CCDC88C: variants seen among roughly 807,000 people sequenced by gnomAD.
The protein encoded by CCDC88C is coiled-coil and HOOK domain protein 88C.
CCDC88C carries 131 observed loss-of-function variants against 198.8 expected under a neutral mutation model. That is an observed-to-expected ratio of 0.66 (90% CI 0.57 to 0.76). The LOEUF (loss-of-function observed/expected upper bound fraction) is 0.76, where lower values mean the gene tolerates loss of function less well. CCDC88C is among the 30% of genes least tolerant of loss of function. CCDC88C has a pLI of 0.00. For missense variants in CCDC88C, 2,553 were observed against 2,631.6 expected, an observed-to-expected ratio of 0.97 and a Z score of 0.65; for synonymous variants, 1,166 against 1,114.7, an observed-to-expected ratio of 1.05 and a Z score of -0.92.
intron 3 of CCDC88C, among the ~76,000 whole-genome samples, chr14:91,405,853 A>T (rs1886457229): frequency 6.6e-6 from 1 of 152,258 alleles, no homozygotes. Flanking sequence ...GCGTCCTGTC[A>T]GCTTCCTTCA....
At chr14:91,388,526 G>A (rs929146879) in intron 3 of CCDC88C, among the ~76,000 whole-genome samples, 8 of 152,220 alleles carry the variant, frequency 5.3e-5, no homozygotes, top group Non-Finnish European at 1.0e-4. Flanking sequence ...CTTTTCCTGA[G>A]TGACCTGAGC....
chr14:91,299,518 C>T (rs561546197), intron 21 of CCDC88C, among the ~76,000 whole-genome samples: 33 of 152,200 alleles, frequency 2.2e-4, no homozygotes, highest in Admixed American at 2.6e-4. Flanking sequence ...GAAAGCCCCA[C>T]GGAGACTGGT....
intron 13 of CCDC88C, 175 bp from the exon 14 acceptor site, chr14:91,315,962 CAG>C (rs1208718504): frequency 3.2e-6 from 2 of 620,568 alleles, no homozygotes; most frequent in Admixed American, 3.0e-5. Context: ...ACTCTTAAGA[CAG>C]AAAGTCACCA....
At chr14:91,277,095 G>A (rs955634763) in intron 29 of CCDC88C, among the ~76,000 whole-genome samples, 3 of 152,084 alleles carry the variant, frequency 2.0e-5, no homozygotes, top group Non-Finnish European at 4.4e-5. Flanking sequence ...TCAGCCTCCC[G>A]AGTAGTTGGG....
Position 91,339,353 on chromosome 14 carries a change from G to A in CCDC88C, c.734C>T (p.Ser245Phe), listed in dbSNP as rs766581882. The change falls in exon 8 of 30, where the codon TCT becomes TTT. Residue 245 changes from serine to phenylalanine, a missense_variant. Coordinates refer to ENST00000389857, the MANE Select transcript of CCDC88C (RefSeq NM_001080414.4). The surrounding 1 kb of genome is among the most constrained non-coding windows in gnomAD (Gnocchi z 5.8). ...GGCCAGGTGCTGCTTGTCTTCGCTA[G>A]AGAGGCTGCTGGTGGGGCTGGGAGT... The part of the protein sequence containing the change: ...DSTPSPTSSL[S>F]SEDKQHLAVE... 1 of 1,613,804 alleles carries A rather than the reference G, an allele frequency of 6.2e-7. No homozygotes were observed. The highest frequency in any genetic ancestry group is 8.5e-7 in the Non-Finnish European group (1 of 1,179,892).
intron 3 of CCDC88C, among the ~76,000 whole-genome samples, chr14:91,361,279 T>G (rs995097548): frequency 6.6e-6 from 1 of 152,156 alleles, no homozygotes; most frequent in African/African-American, 2.4e-5. Context: ...CACAACTAGT[T>G]TCGTAAGTCG....
rs966945530 is a variant in CCDC88C, at chr14:91,284,739, T to C, written c.4442-1222A>G. On this transcript the variant is annotated intron_variant, in intron 25 of 29. Coordinates refer to ENST00000389857, the MANE Select transcript of CCDC88C (RefSeq NM_001080414.4). This position sits in a 1 kb window ranked among gnomAD's most constrained non-coding sequence, Gnocchi z 4.1. ...TCTTATGATTACCTTGTTTTTATGA[T>C]GATATGTGTGTTTTCCACTTACAGG... 6.6e-6 allele frequency among the ~76,000 whole-genome samples: 1 copy of C among 152,260 alleles called. No individual in the cohort carries two copies. The highest frequency in any genetic ancestry group is 2.4e-5 in the African/African-American group (1 of 41,470).
chr14:91,373,097 G>A (rs1372744819), intron 3 of CCDC88C, among the ~76,000 whole-genome samples: 1 of 152,160 alleles, frequency 6.6e-6, no homozygotes, highest in East Asian at 1.9e-4. Context: ...TGCGAGGAGT[G>A]GGGTCCATTC....
At chr14:91,351,736 G>A (rs959784254) in intron 4 of CCDC88C, among the ~76,000 whole-genome samples, 1 of 152,060 alleles carries the variant, frequency 6.6e-6, no homozygotes, top group African/African-American at 2.4e-5. Flanking sequence ...CCTCCCGGGG[G>A]CACTCTGACT....
At chr14:91,399,349 C>A (rs1886036882) in intron 3 of CCDC88C, among the ~76,000 whole-genome samples, 1 of 152,258 alleles carries the variant, frequency 6.6e-6, no homozygotes, top group African/African-American at 2.4e-5. Flanking sequence ...CCAAGTCACA[C>A]CAGGAACCCA....
chr14:91,300,135 T>C (rs2139772831), intron 20 of CCDC88C, 65 bp from the exon 21 acceptor site: 1 of 1,556,828 alleles, frequency 6.4e-7, no homozygotes, highest in Non-Finnish European at 8.7e-7. Context: ...GTAACTCACA[T>C]CCCAGAGGAT....
intron 22 of CCDC88C, 148 bp from the exon 23 acceptor site, chr14:91,294,466 G>A (rs374101671): frequency 1.3e-4 from 117 of 880,398 alleles, no homozygotes; most frequent in African/African-American, 1.0e-3. Flanking sequence ...AGGGCCAAAC[G>A]GCCAATAACG....
At chr14:91,401,697 CA>C (rs1886215217) in intron 3 of CCDC88C, among the ~76,000 whole-genome samples, 1 of 152,088 alleles carries the variant, frequency 6.6e-6, no homozygotes, top group Non-Finnish European at 1.5e-5. Flanking sequence ...ACATGAGCTA[CA>C]AAATAAAAAA....
intron 13 of CCDC88C, among the ~76,000 whole-genome samples, chr14:91,320,184 T>TG (rs1424620939): frequency 6.6e-6 from 1 of 152,178 alleles, no homozygotes; most frequent in African/African-American, 2.4e-5. Context: ...AGCCTCAGGA[T>TG]GGGAGCTGGT....
chr14:91,341,186 AG>A, intron 6 of CCDC88C, among the ~76,000 whole-genome samples: 1 of 152,318 alleles, frequency 6.6e-6, no homozygotes, highest in Non-Finnish European at 1.5e-5. Flanking sequence ...CCCATGATTC[AG>A]AGCACCCTAA....
Position 91,315,723 on chromosome 14 carries a change from C to A in CCDC88C, c.1592G>T (p.Ser531Ile). 1 of 1,613,910 alleles carries A rather than the reference C, an allele frequency of 6.2e-7. No individual in the cohort carries two copies. The highest frequency in any genetic ancestry group is 1.6e-4 in the Middle Eastern group (1 of 6,062). ...CTCCTTCTCTCTGATCAGCTCCTCA[C>A]TGAGGGTCTCCAGATCTTGGTTGCT... is the stretch of plus-strand genomic sequence containing the variant. ...KQSNQDLETL[S>I]EELIREKEQL... The change falls in exon 14 of 30, where the codon AGT becomes ATT. Residue 531 changes from serine (S) to isoleucine (I), a missense_variant. This residue lies in a region of CCDC88C where 1,260 missense variants were observed against 1,412.0 expected (regional missense o/e 0.89). Coordinates refer to ENST00000389857, the MANE Select transcript of CCDC88C (RefSeq NM_001080414.4).
At chr14:91,345,430 A>G (rs936996516) in intron 4 of CCDC88C, among the ~76,000 whole-genome samples, 6 of 152,048 alleles carry the variant, frequency 3.9e-5, no homozygotes, top group South Asian at 2.1e-4. Context: ...TGACCTCGTG[A>G]TCTGCTCGCC....
intron 3 of CCDC88C, among the ~76,000 whole-genome samples, chr14:91,386,534 G>A (rs770381373): frequency 2.0e-5 from 3 of 152,134 alleles, no homozygotes; most frequent in African/African-American, 4.8e-5. Context: ...GCACATCTGC[G>A]CATGCCACAC....
intron 29 of CCDC88C, among the ~76,000 whole-genome samples, chr14:91,275,934 G>A (rs550952974): frequency 1.4e-5 from 2 of 144,596 alleles, no homozygotes; most frequent in Non-Finnish European, 3.0e-5. Flanking sequence ...CCATTCTCCT[G>A]CCTCAGCCTC....
Sources: allele counts gnomAD v4.1 joint callset (sites outside exome capture counted in the v4.1 genomes callset), GRCh38; gene constraint gnomAD v4.1.1; regional missense constraint gnomAD v4.1.1; non-coding constraint Gnocchi (gnomAD v3.1); transcripts MANE v1.5; gene names NCBI Gene and HGNC (gene_info 2026-07-23, HGNC 2026-07-21).